The following PPFIA2 variants were observed in gnomAD, a reference collection of about 807,000 sequenced individuals.
PPFIA2 encodes the protein liprin-alpha-2.
Under a neutral mutation model 175.5 loss-of-function variants are expected in PPFIA2, and 46 were observed. The ratio of observed to expected loss-of-function variants is 0.26; its 90% CI spans 0.21 to 0.34. The LOEUF (loss-of-function observed/expected upper bound fraction) is 0.34, where lower values mean the gene tolerates loss of function less well. Ranked by LOEUF, PPFIA2 falls within the 10% of genes least tolerant of loss-of-function variation. The pLI is 1.00. For missense variants in PPFIA2, 1,179 were observed against 1,506.1 expected (o/e 0.78, Z 3.60); for synonymous variants, 568 against 511.4 (o/e 1.11, Z -1.49).
intron 21 of PPFIA2, among the ~76,000 whole-genome samples, chr12:81,329,822 A>G (rs1177485056): frequency 6.6e-6 from 1 of 152,182 alleles, no homozygotes; most frequent in African/African-American, 2.4e-5. Flanking sequence ...CCAGTGTCTG[A>G]ACGGTAACTG....
intron 3 of PPFIA2, among the ~76,000 whole-genome samples, chr12:81,705,069 A>G (rs2076945655): frequency 8.4e-6 from 1 of 118,442 alleles, no homozygotes; most frequent in Non-Finnish European, 1.7e-5. Flanking sequence ...GGGCAACAAG[A>G]GTGAAACTCT....
intron 4 of PPFIA2, among the ~76,000 whole-genome samples, chr12:81,577,492 A>C (rs975335194): frequency 6.6e-6 from 1 of 151,926 alleles, no homozygotes. Flanking sequence ...GTTGTTCAAA[A>C]CAATTCAAAG....
intron 4 of PPFIA2, among the ~76,000 whole-genome samples, chr12:81,504,329 G>A (rs1355425068): frequency 6.6e-6 from 1 of 151,944 alleles, no homozygotes; most frequent in Non-Finnish European, 1.5e-5. Flanking sequence ...TCAAAAAGTG[G>A]GCGAAAGATA....
At chr12:81,751,789 C>A (rs1045683617) in intron 3 of PPFIA2, among the ~76,000 whole-genome samples, 6 of 152,080 alleles carry the variant, frequency 3.9e-5, no homozygotes, top group Non-Finnish European at 8.8e-5. Context: ...CATTCTTGTA[C>A]CTTTACAAAG....
Position 81,445,739 on chromosome 12 carries a change from AATGCAATTATCTT to A in PPFIA2, c.406-32_406-20del. ...GTAATAGCTATTGGGTTTAACAGAA[AATGCAATTATCTT>A]ATGAATACAAGTCATAAATACTTAC... On this transcript the variant is annotated intron_variant, in intron 5 of 32. Transcript: ENST00000549396. 1 of 1,605,990 alleles carries A rather than the reference AATGCAATTATCTT, an allele frequency of 6.2e-7. No individual in the cohort carries two copies. The highest frequency in any genetic ancestry group is 8.5e-7 in the Non-Finnish European group (1 of 1,176,056).
At chr12:81,446,518 A>G (rs991384911) in intron 5 of PPFIA2, among the ~76,000 whole-genome samples, 2 of 152,236 alleles carry the variant, frequency 1.3e-5, no homozygotes, top group African/African-American at 4.8e-5. Flanking sequence ...AAACAAAGAT[A>G]CATGAGAAGA....
At chr12:81,432,175 T>C (rs911307233) in intron 7 of PPFIA2, among the ~76,000 whole-genome samples, 4 of 152,212 alleles carry the variant, frequency 2.6e-5, no homozygotes, top group African/African-American at 7.2e-5. Flanking sequence ...TACATTCACA[T>C]TGTTAATCAG....
intron 4 of PPFIA2, among the ~76,000 whole-genome samples, chr12:81,481,350 C>A (rs1353527345): frequency 6.6e-6 from 1 of 152,162 alleles, no homozygotes; most frequent in African/African-American, 2.4e-5. Flanking sequence ...CTATTCCCAT[C>A]AAACTACCAT....
intron 14 of PPFIA2, among the ~76,000 whole-genome samples, chr12:81,365,128 C>G (rs1000943576): frequency 1.3e-5 from 2 of 151,712 alleles, no homozygotes; most frequent in South Asian, 4.2e-4. Context: ...GATGAAGTCA[C>G]TAGGGGTGAA....
At chr12:81,519,544 C>A (rs565929483) in intron 4 of PPFIA2, among the ~76,000 whole-genome samples, 1 of 152,132 alleles carries the variant, frequency 6.6e-6, no homozygotes, top group African/African-American at 2.4e-5. Flanking sequence ...TACAGTTAGT[C>A]GCAGGTCTGT....
chr12:81,675,766 T>C (rs1056985009), intron 4 of PPFIA2: 2 of 152,066 alleles, frequency 1.3e-5, no homozygotes, highest in South Asian at 4.1e-4. Context: ...TTACATTTCA[T>C]CTTGCCTTAC....
Position 81,690,426 on chromosome 12 carries a change from A to G in PPFIA2, c.250-13582T>C, listed in dbSNP as rs541020421. Among the ~76,000 whole-genome samples, 355 of 152,116 alleles carry G rather than the reference A, an allele frequency of 2.3e-3. 1 individual carries two copies. The highest frequency in any genetic ancestry group is 8.3e-3 in the African/African-American group (344 of 41,512). ...TTCATGGAAAGTATACTGAATTTGA[A>G]TTTCAGGATTTTTCGCATCTTTACA... On this transcript the variant is annotated intron_variant, in intron 3 of 32. Transcript: ENST00000549396.
At chr12:81,591,622 G>A (rs1302726294) in intron 4 of PPFIA2, among the ~76,000 whole-genome samples, 1 of 152,130 alleles carries the variant, frequency 6.6e-6, no homozygotes, top group African/African-American at 2.4e-5. Context: ...TACACCAGCT[G>A]TGATTAAAAG....
chr12:81,716,417 T>C (rs1423608145), intron 3 of PPFIA2, among the ~76,000 whole-genome samples: 2 of 151,184 alleles, frequency 1.3e-5, no homozygotes, highest in Non-Finnish European at 2.9e-5. Flanking sequence ...AATACTGAGA[T>C]AGTAAAATTG....
chr12:81,715,455 C>G (rs184589739), intron 3 of PPFIA2, among the ~76,000 whole-genome samples: 3 of 151,686 alleles, frequency 2.0e-5, no homozygotes, highest in African/African-American at 7.2e-5. Context: ...TACATTTTCT[C>G]AGATGATATC....
At chr12:81,613,980 C>A (rs2061187661) in intron 4 of PPFIA2, among the ~76,000 whole-genome samples, 1 of 152,030 alleles carries the variant, frequency 6.6e-6, no homozygotes, top group African/African-American at 2.4e-5. Context: ...ACTTAACAGG[C>A]TAGATTTTGG....
intron 8 of PPFIA2, among the ~76,000 whole-genome samples, chr12:81,387,050 C>T (rs1175836014): frequency 1.3e-5 from 2 of 151,958 alleles, no homozygotes; most frequent in Non-Finnish European, 2.9e-5. Context: ...ATTTGCCCAT[C>T]GACACCTGTG....
intron 22 of PPFIA2, among the ~76,000 whole-genome samples, chr12:81,323,216 A>G (rs977065723): frequency 6.6e-6 from 1 of 151,406 alleles, no homozygotes; most frequent in African/African-American, 2.5e-5. Context: ...ATTTGAAAAT[A>G]AGATATTGTC....
intron 3 of PPFIA2, among the ~76,000 whole-genome samples, chr12:81,681,650 A>G (rs960567343): frequency 6.6e-6 from 1 of 151,848 alleles, no homozygotes; most frequent in African/African-American, 2.4e-5. Context: ...GGGATTAATA[A>G]TGTGGCTCTC....
Sources: gnomAD v4.1 joint callset for allele counts (sites outside exome capture counted in the v4.1 genomes callset) on GRCh38, gnomAD v4.1.1 for gene constraint, MANE v1.5 for transcripts, NCBI Gene and HGNC (gene_info 2026-07-23, HGNC 2026-07-21) for gene names.